ARMCX4: variants seen among roughly 807,000 people sequenced by gnomAD.
ARMCX4 encodes the protein armadillo repeat-containing X-linked protein 4.
In ARMCX4, 3 loss-of-function variants were observed where a neutral mutation model predicts 34.7. The observed-to-expected ratio is 0.09, with a 90% confidence interval of 0.04 to 0.22. The LOEUF (loss-of-function observed/expected upper bound fraction) is 0.22, where lower values mean the gene tolerates loss of function less well. Among genes scored for constraint, ARMCX4 ranks in the 10% least tolerant of loss-of-function variants. The pLI, the probability that ARMCX4 is intolerant of heterozygous loss-of-function variation, is 1.00. For missense variants in ARMCX4, 1,448 were observed against 1,720.8 expected, an observed-to-expected ratio of 0.84 and a Z score of 2.81; for synonymous variants, 513 against 632.8, an observed-to-expected ratio of 0.81 and a Z score of 2.84.
chrX:101,473,058 A>G (rs1932983765), intron 4 of ARMCX4, among the ~76,000 whole-genome samples: 1 of 111,278 alleles, frequency 9.0e-6, no homozygotes, highest in East Asian at 2.8e-4. Flanking sequence ...GTATTCAGGA[A>G]ACCCATCTCA....
Position 101,491,404 on chromosome X carries a change from G to C in ARMCX4, c.2815G>C (p.Glu939Gln), listed in dbSNP as rs1933975048. 8.6e-7 allele frequency: 1 copy of C among 1,156,693 alleles called. No homozygotes were observed. The highest frequency in any genetic ancestry group is 3.2e-5 in the East Asian group (1 of 30,777). Reference protein sequence around the residue: ...KGNSNAISKAEAGAGIMGSVQ... With the variant: ...KGNSNAISKAQAGAGIMGSVQ... The stretch of plus-strand genomic sequence containing the variant: ...CAATTCCAATGCTATTTCTAAGGCA[G>C]AGGCTGGGGCAGGCATAATGGGCTC... Residue 939 changes from glutamate (E) to glutamine (Q), a missense_variant, in exon 6 of 6, where the codon GAG becomes CAG. Physicochemically the swap from Glu to Gln is conservative, Grantham distance 29. This residue lies in a region of ARMCX4 where 1,343 missense variants were observed against 1,540.7 expected (regional missense o/e 0.87). Coordinates refer to ENST00000423738, the MANE Select transcript of ARMCX4 (RefSeq NM_001256155.3).
chrX:101,466,594 A>G (rs1000176047), intron 4 of ARMCX4, among the ~76,000 whole-genome samples: 16 of 112,443 alleles, frequency 1.4e-4, no homozygotes, highest in Non-Finnish European at 3.0e-4. Context: ...GAAGCTCAAA[A>G]GCACTATGTT....
Position 101,420,924 on chromosome X carries a change from A to G in ARMCX4, n.164+1924A>G, listed in dbSNP as rs572112379. Among the ~76,000 whole-genome samples, 7 of 112,317 alleles carry G rather than the reference A, an allele frequency of 6.2e-5. 1 individual carries two copies. Among genetic ancestry groups the G allele is most frequent in the African/African-American group, 2.3e-4 (7 of 30,969 alleles). On this transcript the variant is annotated intron_variant and non_coding_transcript_variant, in intron 2 of 3. Coordinates refer to the ARMCX4 transcript ENST00000430461. ...GAAAATATTGCCCTGGGGGCCAGGCACAGTGGCTCATGCCTGTAATCCCAG... is the reference window on the plus strand; with the variant it reads ...GAAAATATTGCCCTGGGGGCCAGGCGCAGTGGCTCATGCCTGTAATCCCAG...
At chrX:101,524,215 GAT>G (rs1208617724) in intron 11 of ARMCX4, 2 of 112,082 alleles carry the variant, frequency 1.8e-5, no homozygotes, top group African/African-American at 6.5e-5. Context: ...TTTGTTGAAA[GAT>G]ATAAATTTAT....
At chrX:101,438,481 C>T (rs1336668139) in intron 2 of ARMCX4, among the ~76,000 whole-genome samples, 2 of 111,024 alleles carry the variant, frequency 1.8e-5, no homozygotes, top group South Asian at 7.7e-4. Flanking sequence ...AGGAGAATGG[C>T]GTGAACCCGG....
At chrX:101,442,932 A>G (rs1238902240) in intron 2 of ARMCX4, among the ~76,000 whole-genome samples, 1 of 110,380 alleles carries the variant, frequency 9.1e-6, no homozygotes, top group Admixed American at 9.7e-5. Flanking sequence ...GGAGATCGAG[A>G]CCATCCTGGC....
chrX:101,433,184 G>A lies in ARMCX4; in HGVS notation n.165-10868G>A, dbSNP rs191235892. Reference sequence around the variant, plus strand: ...TGTATACATACATGTGTATATACACGCACACATACACATATATGTGCATAT... The same window carrying A: ...TGTATACATACATGTGTATATACACACACACATACACATATATGTGCATAT... On this transcript the variant is annotated intron_variant and non_coding_transcript_variant, in intron 2 of 3. Transcript: ENST00000430461. 4.6e-3 allele frequency among the ~76,000 whole-genome samples: 481 copies of A among 104,319 alleles called. 2 individuals are homozygous for A. Among genetic ancestry groups the A allele is most frequent in the African/African-American group, 0.016 (450 of 28,932 alleles). 90.6% of individuals were successfully genotyped at this position (104,319 alleles called of 115,157 possible).
intron 4 of ARMCX4, among the ~76,000 whole-genome samples, chrX:101,470,562 A>C (rs1932877291): frequency 1.8e-5 from 2 of 111,296 alleles, no homozygotes; most frequent in Admixed American, 1.9e-4. Flanking sequence ...CAAGCAATCT[A>C]CCTGCCTCAG....
At chrX:101,534,079 C>T (rs1400149650), downstream of ARMCX4, among the ~76,000 whole-genome samples, 3 of 111,354 alleles carry the variant, frequency 2.7e-5, no homozygotes, top group Non-Finnish European at 3.8e-5. Flanking sequence ...ATTACAATAG[C>T]CATGGGAAAA....
At chrX:101,525,902 A>G (rs1440591580) in intron 11 of ARMCX4, among the ~76,000 whole-genome samples, 1 of 112,072 alleles carries the variant, frequency 8.9e-6, no homozygotes, top group Non-Finnish European at 1.9e-5. Flanking sequence ...AAGTTCGAAA[A>G]CACTCTTCAG....
At chrX:101,430,598 C>T (rs1929938838) in intron 2 of ARMCX4, among the ~76,000 whole-genome samples, 1 of 112,563 alleles carries the variant, frequency 8.9e-6, no homozygotes, top group African/African-American at 3.2e-5. Flanking sequence ...AGCCCCATTG[C>T]AGTCACTGTT....
chrX:101,527,181 C>T (rs1934994629), intron 11 of ARMCX4, among the ~76,000 whole-genome samples: 2 of 112,232 alleles, frequency 1.8e-5, no homozygotes, highest in Non-Finnish European at 3.8e-5. Flanking sequence ...AAGAAACTCA[C>T]TAAAAACTGC....
At chrX:101,477,868 T>C (rs1030210881) in intron 4 of ARMCX4, among the ~76,000 whole-genome samples, 1 of 112,245 alleles carries the variant, frequency 8.9e-6, no homozygotes, top group African/African-American at 3.2e-5. Flanking sequence ...TGTAATCTAC[T>C]ATATTAAAAT....
intron 11 of ARMCX4, among the ~76,000 whole-genome samples, chrX:101,530,293 T>C (rs1159621970): frequency 1.8e-5 from 2 of 110,799 alleles, no homozygotes; most frequent in Non-Finnish European, 3.8e-5. Flanking sequence ...ATGAGAACAC[T>C]TGGACACACG....
rs1246503033 is a variant in ARMCX4, at chrX:101,470,129, T to C, written c.-472-15894T>C. Reference sequence around the variant, plus strand: ...TTCTGGGAGAAGCCAAGAACTCTCCTGGGCTAAGCCTCAATTTTGGGGCTT... The same window carrying C: ...TTCTGGGAGAAGCCAAGAACTCTCCCGGGCTAAGCCTCAATTTTGGGGCTT... On this transcript the variant is annotated intron_variant and NMD_transcript_variant, in intron 4 of 15. Coordinates refer to the ARMCX4 transcript ENST00000433011. Among the ~76,000 whole-genome samples, 4 of 112,087 alleles carry C rather than the reference T, an allele frequency of 3.6e-5. No homozygotes were observed. In the Admixed American group the frequency reaches 3.8e-4, roughly 11 times the overall value.
chrX:101,422,175 C>T (rs1929313798), intron 2 of ARMCX4, among the ~76,000 whole-genome samples: 1 of 108,828 alleles, frequency 9.2e-6, no homozygotes, highest in Non-Finnish European at 1.9e-5. Flanking sequence ...GCCACTATGC[C>T]AGGCCAATTT....
At chrX:101,448,401 T>C (rs1405730081), downstream of ARMCX4, among the ~76,000 whole-genome samples, 2 of 111,998 alleles carry the variant, frequency 1.8e-5, no homozygotes, top group Non-Finnish European at 3.8e-5. Flanking sequence ...TGTTTTTACT[T>C]TTGTGAGGGA....
At chrX:101,433,430 G>T (rs1005615666) in intron 2 of ARMCX4, among the ~76,000 whole-genome samples, 1 of 109,508 alleles carries the variant, frequency 9.1e-6, no homozygotes, top group East Asian at 2.9e-4. Flanking sequence ...ATGTGTATAT[G>T]TATACACACA....
In ARMCX4 at chrX:101,490,837, C is replaced by T. The variant is rs990271057; in HGVS notation, c.2248C>T (p.Leu750Phe). The change falls in exon 6 of 6, where the codon CTC becomes TTC. Residue 750 changes from leucine to phenylalanine, a missense_variant. Leu to Phe is a conservative substitution (Grantham distance 22). Coordinates refer to ENST00000423738, the MANE Select transcript of ARMCX4 (RefSeq NM_001256155.3). ...VGPYTTDSAR[L>F]QAVANSQGEV... Reference sequence around the variant, plus strand: ...GCCATATACAACAGACTCTGCCCGGCTCCAGGCTGTGGCCAATTCTCAGGG... The same window carrying T: ...GCCATATACAACAGACTCTGCCCGGTTCCAGGCTGTGGCCAATTCTCAGGG... 1.3e-5 allele frequency: 14 copies of T among 1,109,182 alleles called. No homozygotes were observed. The highest frequency in any genetic ancestry group is 1.7e-5 in the Non-Finnish European group (14 of 842,700). 91.4% of individuals were successfully genotyped at this position (1,109,182 alleles called of 1,213,427 possible). A position where few individuals can be genotyped will look rare whatever the true frequency, so the allele number is the denominator to read the frequency against.
Sources: gnomAD v4.1 joint callset for allele counts (sites outside exome capture counted in the v4.1 genomes callset) on GRCh38, gnomAD v4.1.1 for gene constraint, gnomAD v4.1.1 regional missense constraint, MANE v1.5 for transcripts, NCBI Gene and HGNC (gene_info 2026-07-23, HGNC 2026-07-21) for gene names.